Variants in CAPZA1 observed in about 807,000 individuals in gnomAD.
CAPZA1 encodes the protein F-actin-capping protein subunit alpha-1.
CAPZA1 carries 10 observed loss-of-function variants against 40.8 expected under a neutral mutation model. The ratio of observed to expected loss-of-function variants is 0.25; its 90% CI spans 0.15 to 0.42. CAPZA1 has a LOEUF of 0.42. Among genes scored for constraint, CAPZA1 ranks in the 10% least tolerant of loss-of-function variants. The pLI, the probability that CAPZA1 is intolerant of heterozygous loss-of-function variation, is 1.00. For missense variants in CAPZA1, 277 were observed against 353.8 expected (o/e 0.78, Z 1.74); for synonymous variants, 98 against 115.0 (o/e 0.85, Z 0.95).
In CAPZA1 at chr1:112,619,887, AG is replaced by A; in HGVS notation, c.39+8del. 4 of 1,609,318 alleles carry A rather than the reference AG, an allele frequency of 2.5e-6. No individual in the cohort carries two copies. Among genetic ancestry groups the A allele is most frequent in the Non-Finnish European group, 3.4e-6 (4 of 1,177,692 alleles). ...TCGTGTGTCGGATGAGGAGAAGGTA[AG>A]GGGTCCGCCTCTCTCTCTTACCTCC... is the stretch of plus-strand genomic sequence containing the variant. On this transcript the variant is annotated splice_donor_5th_base_variant and intron_variant, in intron 1 of 9. Coordinates refer to ENST00000263168, the MANE Select transcript of CAPZA1 (RefSeq NM_006135.3).
At chr1:112,669,470 A>G in intron 8 of CAPZA1, 73 bp from the exon 9 acceptor site, 4 of 1,001,980 alleles carry the variant, frequency 4.0e-6, no homozygotes, top group Non-Finnish European at 1.6e-6. Context: ...GTTAAGATGG[A>G]CTTACTTTCA....
chr1:112,622,488 ATGAGATGAATTACTTCTTTGGGTTCT>A (rs1333066512), intron 1 of CAPZA1, among the ~76,000 whole-genome samples: 7 of 152,224 alleles, frequency 4.6e-5, no homozygotes, highest in Non-Finnish European at 7.3e-5. Context: ...ATCCTGAAAT[ATGAGATGAATTACTTCTTTGGGTTCT>A]TTTCATTGTC....
At chr1:112,667,269 GC>G in intron 8 of CAPZA1, 124 bp downstream of exon 8, 1 of 672,002 alleles carries the variant, frequency 1.5e-6, no homozygotes, top group Non-Finnish European at 2.6e-6. Flanking sequence ...TTTGATTTTG[GC>G]CACTTCTGTT....
intron 7 of CAPZA1, among the ~76,000 whole-genome samples, chr1:112,666,639 C>T (rs553992028): frequency 6.6e-6 from 1 of 152,212 alleles, no homozygotes; most frequent in East Asian, 1.9e-4. Context: ...TTCTGCTTAC[C>T]AACATTGATG....
intron 1 of CAPZA1, among the ~76,000 whole-genome samples, chr1:112,645,625 C>A (rs1224873478): frequency 6.6e-6 from 1 of 151,652 alleles, no homozygotes; most frequent in Admixed American, 6.6e-5. Flanking sequence ...CCAAGTGAGA[C>A]CCTGTCTCTG....
At chr1:112,667,240 T>C (rs1671741491) in intron 8 of CAPZA1, 95 bp downstream of exon 8, 1 of 857,808 alleles carries the variant, frequency 1.2e-6, no homozygotes. Flanking sequence ...CCAGTAGAAA[T>C]TCAGTTTGCT....
intron 7 of CAPZA1, among the ~76,000 whole-genome samples, chr1:112,661,339 C>G (rs1671603468): frequency 1.3e-5 from 2 of 152,102 alleles, no homozygotes; most frequent in African/African-American, 4.8e-5. Flanking sequence ...GCAGCTTCCT[C>G]AAGTAGGACA....
intron 7 of CAPZA1, among the ~76,000 whole-genome samples, chr1:112,665,178 G>GGT (rs554751153): frequency 3.1e-5 from 4 of 128,948 alleles, no homozygotes; most frequent in Non-Finnish European, 6.4e-5. Flanking sequence ...GTTTTTTTGT[G>GGT]TTTTTTTTTT....
rs1448303254 is a variant in CAPZA1, at chr1:112,643,090, A to G, written c.40-4120A>G. Among the ~76,000 whole-genome samples the G allele has an allele frequency of 8.2e-5, 6 of 73,176 alleles. No homozygotes were observed. The Admixed American group carries it at 1.2e-3, about 14-fold the overall frequency. The allele number at this position is 73,176 out of a possible 152,430, so 48.0% of individuals were successfully genotyped here. ...CTCACTCCACAGATTTGTCACAAATAGACCAAAAAAAAAGGTTTATTATTA... is the reference window on the plus strand; with the variant it reads ...CTCACTCCACAGATTTGTCACAAATGGACCAAAAAAAAAGGTTTATTATTA... On this transcript the variant is annotated intron_variant, in intron 1 of 9. Transcript: ENST00000263168.
chr1:112,629,516 T>G (rs567501031), intron 1 of CAPZA1, among the ~76,000 whole-genome samples: 47 of 152,348 alleles, frequency 3.1e-4, no homozygotes, highest in Non-Finnish European at 5.0e-4. Context: ...TTCTGATATT[T>G]GTTGAATGCA....
rs1670894018 is a variant in CAPZA1, at chr1:112,630,234, A to G, written c.39+10351A>G. Among the ~76,000 whole-genome samples, 8 of 152,136 alleles carry G rather than the reference A, an allele frequency of 5.3e-5. 1 individual carries two copies. The South Asian group carries it at 1.7e-3, about 32-fold the overall frequency. On this transcript the variant is annotated intron_variant, in intron 1 of 9. Transcript: ENST00000263168. ...GTATTTTTTTTGTAGAAACAGTCTC[A>G]CTATATTGCCCAGACTGGTCTCAAA...
chr1:112,656,797 T>G (rs1671508185), intron 5 of CAPZA1, among the ~76,000 whole-genome samples: 1 of 152,118 alleles, frequency 6.6e-6, no homozygotes, highest in Non-Finnish European at 1.5e-5. Context: ...TTTCATCTCC[T>G]TATTCCCTAT....
rs189428489 is a variant in CAPZA1 at position 112,623,977 on chromosome 1, G to C, written c.39+4094G>C. 2.2e-3 allele frequency among the ~76,000 whole-genome samples: 281 copies of C among 125,590 alleles called. 1 individual carries two copies. The highest frequency in any genetic ancestry group is 2.9e-3 in the Non-Finnish European group (187 of 63,948). The allele number at this position is 125,590 out of a possible 152,430, so 82.4% of individuals were successfully genotyped here. ...GCCGAGATTGTGCCACTGCACTCCAGCCTGGGTGACAGAGCAAGACTCCAT... is the reference window on the plus strand; with the variant it reads ...GCCGAGATTGTGCCACTGCACTCCACCCTGGGTGACAGAGCAAGACTCCAT... On this transcript the variant is annotated intron_variant, in intron 1 of 9. Coordinates refer to ENST00000263168, the MANE Select transcript of CAPZA1 (RefSeq NM_006135.3).
At chr1:112,636,359 AATT>A (rs1187251044) in intron 1 of CAPZA1, among the ~76,000 whole-genome samples, 1 of 152,234 alleles carries the variant, frequency 6.6e-6, no homozygotes, top group African/African-American at 2.4e-5. Context: ...AATGGGAAGA[AATT>A]GAAATTTAGG....
In CAPZA1 at chr1:112,670,346, G is replaced by A. The variant is rs538790200; in HGVS notation, c.*214G>A. On this transcript the variant is annotated 3_prime_UTR_variant, in exon 10 of 10. Transcript: ENST00000263168. ...AATTTTCTGTTACTGCTATATCTAC[G>A]TGTAAATCTTTTTTTCTTTTTTTTT... is the stretch of plus-strand genomic sequence containing the variant. 7.1e-5 allele frequency: 23 copies of A among 324,452 alleles called. No individual in the cohort carries two copies. The highest frequency in any genetic ancestry group is 5.9e-4 in the South Asian group (8 of 13,534). The allele number at this position is 324,452 out of a possible 1,614,324, so 20.1% of individuals were successfully genotyped here.
intron 7 of CAPZA1, 133 bp from the exon 8 acceptor site, chr1:112,666,941 A>G (rs2101192649): frequency 1.8e-5 from 11 of 602,544 alleles, no homozygotes; most frequent in South Asian, 8.8e-5. Context: ...ACCACTGCTT[A>G]TATTAATTAT....
At chr1:112,649,519 A>G (rs748179884) in intron 3 of CAPZA1, 50 bp downstream of exon 3, 1 of 1,385,114 alleles carries the variant, frequency 7.2e-7, no homozygotes, top group Non-Finnish European at 1.0e-6. Context: ...CATTGGATAA[A>G]CTATGTTGAC....
intron 8 of CAPZA1, among the ~76,000 whole-genome samples, chr1:112,668,600 C>G (rs958537322): frequency 6.6e-6 from 1 of 152,142 alleles, no homozygotes; most frequent in African/African-American, 2.4e-5. Context: ...ATTCTCCTGC[C>G]TCAGGCTCCC....
chr1:112,625,909 C>G (rs1670796402), intron 1 of CAPZA1: 1 of 152,494 alleles, frequency 6.6e-6, no homozygotes, highest in Non-Finnish European at 1.5e-5. Flanking sequence ...ATTCTTGGCT[C>G]CTTGCCACAT....
Sources: gnomAD v4.1 joint callset for allele counts (sites outside exome capture counted in the v4.1 genomes callset) on GRCh38, gnomAD v4.1.1 for gene constraint, MANE v1.5 for transcripts, NCBI Gene and HGNC (gene_info 2026-07-23, HGNC 2026-07-21) for gene names.